The following EEF2K variants were observed in gnomAD, a reference collection of about 807,000 sequenced individuals.
EEF2K encodes eukaryotic elongation factor 2 kinase, also known as alternative protein EEF2K.
Under a neutral mutation model 93.8 loss-of-function variants are expected in EEF2K, and 70 were observed. The ratio of observed to expected loss-of-function variants is 0.75; its 90% CI spans 0.62 to 0.91. The LOEUF is 0.91. Among genes scored for constraint, EEF2K ranks in the 40% least tolerant of loss-of-function variants. EEF2K has a pLI of 0.00. For missense variants in EEF2K, 935 were observed against 972.9 expected (o/e 0.96, Z 0.52); for synonymous variants, 376 against 380.8 (o/e 0.99, Z 0.15).
intron 1 of EEF2K, among the ~76,000 whole-genome samples, chr16:22,215,123 C>T (rs1036192005): frequency 5.3e-5 from 8 of 152,114 alleles, no homozygotes; most frequent in African/African-American, 1.9e-4. Flanking sequence ...GAGGACTTGG[C>T]CAGCACCAGC....
chr16:22,280,110 C>T lies in EEF2K; in HGVS notation c.1890-88C>T, dbSNP rs1202821902. 3.0e-6 allele frequency: 4 copies of T among 1,353,346 alleles called. No homozygotes were observed. In the Admixed American group the frequency reaches 9.7e-5, roughly 33 times the overall value. The allele number at this position is 1,353,346 out of a possible 1,614,324, so 83.8% of individuals were successfully genotyped here. A position where few individuals can be genotyped will look rare whatever the true frequency, so the allele number is the denominator to read the frequency against. On this transcript the variant is annotated intron_variant, in intron 16 of 17. Transcript: ENST00000263026. ...ATAGGTGGTGGCCCTGCTGGGATCCCTGACTTGCCCCTCCTGCTGGAAGGC... is the reference window on the plus strand; with the variant it reads ...ATAGGTGGTGGCCCTGCTGGGATCCTTGACTTGCCCCTCCTGCTGGAAGGC...
chr16:22,258,716 T>C (rs370205478), intron 10 of EEF2K, 21 bp downstream of exon 10: 15 of 1,613,690 alleles, frequency 9.3e-6, no homozygotes, highest in Non-Finnish European at 1.2e-5. Flanking sequence ...GTTCGGTCCC[T>C]AGTCACTGTG....
chr16:22,252,130 C>T (rs548305504), intron 6 of EEF2K, among the ~76,000 whole-genome samples: 13 of 152,248 alleles, frequency 8.5e-5, no homozygotes, highest in Middle Eastern at 3.4e-3. Context: ...GCTCTGAGGT[C>T]GGAATGTTTT....
chr16:22,277,030 A>C (rs1273532127), intron 16 of EEF2K, among the ~76,000 whole-genome samples: 1 of 152,036 alleles, frequency 6.6e-6, no homozygotes, highest in Non-Finnish European at 1.5e-5. Flanking sequence ...ACATCATTCC[A>C]CTCCAGCCTG....
intron 1 of EEF2K, among the ~76,000 whole-genome samples, chr16:22,224,882 G>A (rs534617783): frequency 6.6e-6 from 1 of 152,086 alleles, no homozygotes; most frequent in East Asian, 1.9e-4. Flanking sequence ...GAACCTGGGA[G>A]GTGGAGGTTG....
rs182448726 is a variant in EEF2K, at chr16:22,277,061, G to A, written c.1890-3137G>A. Among the ~76,000 whole-genome samples the A allele has an allele frequency of 1.3e-3, 182 of 140,016 alleles. 3 individuals carry two copies. The East Asian group carries it at 0.023, about 18-fold the overall frequency. The allele number at this position is 140,016 out of a possible 152,430, so 91.9% of individuals were successfully genotyped here. On this transcript the variant is annotated intron_variant, in intron 16 of 17. Transcript: ENST00000263026. ...GCCTGGGCAACAAGCATGAAATGCC[G>A]TCTTAAAACAAAAACAAAAGTTTGT...
intron 14 of EEF2K, 53 bp downstream of exon 14, chr16:22,266,577 A>T (rs1380857392): frequency 6.2e-7 from 1 of 1,605,734 alleles, no homozygotes; most frequent in African/African-American, 1.3e-5. Flanking sequence ...GGAGCCCCCC[A>T]GCTCCAGCCT....
chr16:22,235,344 T>C (rs2047157660), intron 2 of EEF2K, among the ~76,000 whole-genome samples: 1 of 134,032 alleles, frequency 7.5e-6, no homozygotes, highest in African/African-American at 3.1e-5. Context: ...ATATATGTCT[T>C]CAGTAACCAG....
intron 5 of EEF2K, 131 bp from the exon 6 acceptor site, chr16:22,251,020 C>A: frequency 8.9e-7 from 1 of 1,126,978 alleles, no homozygotes; most frequent in Non-Finnish European, 1.3e-6. Flanking sequence ...TCCTTCTTAC[C>A]TCCTGCATTT....
chr16:22,283,956 A>G lies in EEF2K; in HGVS notation c.2138A>G (p.Tyr713Cys), dbSNP rs143321413. 579 of 1,593,862 alleles carry G rather than the reference A, an allele frequency of 3.6e-4. 2 individuals carry two copies. The highest frequency in any genetic ancestry group is 2.0e-3 in the South Asian group (179 of 87,522). The change falls in exon 18 of 18, where the codon TAC becomes TGC. Residue 713 changes from tyrosine (Y) to cysteine (C), a missense_variant. Transcript: ENST00000263026. ...AAGGGCCGACTGGCCAACCAGTACT[A>G]CCAAAAGGCTGAAGAGGCCTGGGCC... ...AMKGRLANQY[Y>C]QKAEEAWAQM...
intron 2 of EEF2K, among the ~76,000 whole-genome samples, chr16:22,242,916 C>T (rs2047238363): frequency 6.6e-6 from 1 of 151,902 alleles, no homozygotes; most frequent in Non-Finnish European, 1.5e-5. Context: ...TGGTGAGACC[C>T]TGTCCCTACA....
At chr16:22,215,312 C>G (rs906415924) in intron 1 of EEF2K, among the ~76,000 whole-genome samples, 33 of 152,276 alleles carry the variant, frequency 2.2e-4, no homozygotes, top group Non-Finnish European at 4.0e-4. Flanking sequence ...CTTAGGTTCC[C>G]TGCCTCCAGA....
intron 2 of EEF2K, among the ~76,000 whole-genome samples, chr16:22,242,005 T>A (rs2047228283): frequency 6.6e-6 from 1 of 151,922 alleles, no homozygotes; most frequent in Non-Finnish European, 1.5e-5. Context: ...TAGCTGGGCA[T>A]GGTGACACAC....
intron 6 of EEF2K, among the ~76,000 whole-genome samples, chr16:22,252,502 G>A (rs901168573): frequency 3.9e-5 from 6 of 152,170 alleles, no homozygotes; most frequent in African/African-American, 1.4e-4. Context: ...CCCTATTGCC[G>A]AGCCAATCAC....
intron 2 of EEF2K, among the ~76,000 whole-genome samples, chr16:22,231,310 G>T (rs1004366541): frequency 6.6e-6 from 1 of 151,392 alleles, no homozygotes; most frequent in Admixed American, 6.6e-5. Flanking sequence ...AGAGACGGGG[G>T]TTTCACCACG....
At chr16:22,252,062 G>T (rs984366715) in intron 6 of EEF2K, among the ~76,000 whole-genome samples, 4 of 152,156 alleles carry the variant, frequency 2.6e-5, no homozygotes, top group Non-Finnish European at 4.4e-5. Flanking sequence ...CCAAAGGGCT[G>T]GGATTACAGG....
intron 2 of EEF2K, among the ~76,000 whole-genome samples, chr16:22,229,554 T>C (rs1005489612): frequency 6.6e-6 from 1 of 152,030 alleles, no homozygotes; most frequent in Non-Finnish European, 1.5e-5. Context: ...ACACAAAAAT[T>C]AGCCGGGCGT....
chr16:22,228,600 C>T (rs1044674881), intron 2 of EEF2K, among the ~76,000 whole-genome samples: 5 of 152,312 alleles, frequency 3.3e-5, no homozygotes, highest in Admixed American at 6.5e-5. Flanking sequence ...AAATGGCTGC[C>T]GACTGGGACA....
At chr16:22,220,439 C>T (rs972140991) in intron 1 of EEF2K, among the ~76,000 whole-genome samples, 3 of 132,424 alleles carry the variant, frequency 2.3e-5, no homozygotes, top group South Asian at 5.0e-4. Context: ...TGAATCTGAG[C>T]GTGCTTTTTT....
Sources: allele counts gnomAD v4.1 joint callset (sites outside exome capture counted in the v4.1 genomes callset), GRCh38; gene constraint gnomAD v4.1.1; transcripts MANE v1.5; gene names NCBI Gene and HGNC (gene_info 2026-07-23, HGNC 2026-07-21).